Variants in MPRIP observed in about 807,000 individuals in gnomAD.
MPRIP encodes the protein myosin phosphatase Rho-interacting protein.
A neutral mutation model predicts 234.9 loss-of-function variants in MPRIP; 59 were observed. That is an observed-to-expected ratio of 0.25 (90% confidence interval 0.20 to 0.31). The LOEUF (loss-of-function observed/expected upper bound fraction) is 0.31, where lower values mean the gene tolerates loss of function less well. Ranked by LOEUF, MPRIP falls within the 10% of genes least tolerant of loss-of-function variation. MPRIP has a pLI of 1.00. For missense variants in MPRIP, 2,436 were observed against 3,071.0 expected, an observed-to-expected ratio of 0.79 and a Z score of 4.89; for synonymous variants, 1,144 against 1,263.9, an observed-to-expected ratio of 0.91 and a Z score of 2.01.
Position 17,174,213 on chromosome 17 carries a change from T to C in MPRIP, c.6750+138T>C, listed in dbSNP as rs1317804522. On this transcript the variant is annotated intron_variant, in intron 19 of 23. Transcript: ENST00000651222. ...GCATGAAGGTCCCTGAACCACAGAG[T>C]GGTTACCTGCCCCAGGGCTTCTCCC... 2.7e-6 allele frequency: 3 copies of C among 1,093,312 alleles called. No individual in the cohort carries two copies. The African/African-American group carries it at 4.8e-5, about 17-fold the overall frequency. 67.7% of individuals were successfully genotyped at this position (1,093,312 alleles called of 1,614,324 possible).
Position 17,050,785 on chromosome 17 carries a change from A to G in MPRIP, c.123+7814A>G, listed in dbSNP as rs1181216887. On this transcript the variant is annotated intron_variant, in intron 1 of 23. Transcript: ENST00000651222. Reference sequence around the variant, plus strand: ...GAGGCAGAGTTTAGGGGCAGAAGGGAGGAAGGTCCTTGCCAGGGCCTCAGG... The same window carrying G: ...GAGGCAGAGTTTAGGGGCAGAAGGGGGGAAGGTCCTTGCCAGGGCCTCAGG... Among the ~76,000 whole-genome samples, 3 of 152,312 alleles carry G rather than the reference A, an allele frequency of 2.0e-5. No individual in the cohort carries two copies. The East Asian group carries it at 5.8e-4, about 29-fold the overall frequency.
intron 3 of MPRIP, chr17:17,096,788 C>G (rs1287516068): frequency 4.2e-6 from 2 of 471,164 alleles, no homozygotes; most frequent in Non-Finnish European, 8.8e-6. Flanking sequence ...AGTGACTCTC[C>G]TTGGGGCCTG....
intron 18 of MPRIP, 102 bp from the exon 19 acceptor site, chr17:17,173,814 C>T: frequency 7.4e-7 from 1 of 1,357,692 alleles, no homozygotes; most frequent in Non-Finnish European, 1.0e-6. Flanking sequence ...ACTGTGTGGG[C>T]CTGACCTGTG....
At chr17:17,058,031 A>G (rs2088758855) in intron 1 of MPRIP, 2 of 303,702 alleles carry the variant, frequency 6.6e-6, no homozygotes. Flanking sequence ...TATCCCTTTC[A>G]CAGAGGTGAC....
At chr17:17,084,543 G>C (rs1178723173) in intron 3 of MPRIP, among the ~76,000 whole-genome samples, 1 of 152,248 alleles carries the variant, frequency 6.6e-6, no homozygotes, top group Non-Finnish European at 1.5e-5. Context: ...ATGAGTGACA[G>C]ACCTTGATGT....
chr17:17,063,038 G>A (rs1172843951), intron 1 of MPRIP, among the ~76,000 whole-genome samples: 3 of 152,240 alleles, frequency 2.0e-5, no homozygotes, highest in African/African-American at 4.8e-5. Flanking sequence ...ATGTGCGGGG[G>A]CAGGCCCTGG....
At position 17,138,087 on chromosome 17, in the gene MPRIP, C is replaced by T. The variant is rs200575354; in HGVS notation, c.908C>T (p.Pro303Leu). The T allele has an allele frequency of 1.1e-4, 180 of 1,572,952 alleles. No individual in the cohort carries two copies. The African/African-American group carries it at 2.2e-3, about 19-fold the overall frequency. The change falls in exon 7 of 24, where the codon CCC (proline) becomes CTC (leucine). Residue 303 changes from proline (P) to leucine (L), a missense_variant. This residue lies in a region of MPRIP where 267 missense variants were observed against 252.7 expected (regional missense o/e 1.06). Coordinates refer to ENST00000651222, the MANE Select transcript of MPRIP (RefSeq NM_001364716.4). The surrounding 1 kb of genome is among the most constrained non-coding windows in gnomAD (Gnocchi z 5.8). ...ACCCCCAACCACAGGTACAGTTGCC[C>T]CGAGTCGCCCTCCCAGGAGCTCGGT... ...PSTPNHRYSCPESPSQELGGP... is the reference protein window; with the variant it reads ...PSTPNHRYSCLESPSQELGGP...
intron 9 of MPRIP, among the ~76,000 whole-genome samples, chr17:17,144,780 C>T (rs1471917217): frequency 1.3e-5 from 2 of 152,160 alleles, no homozygotes; most frequent in Admixed American, 6.5e-5. Flanking sequence ...CGCTTGAACC[C>T]GGGAGGCGGA....
chr17:17,094,601 C>T (rs1273684047), intron 3 of MPRIP, among the ~76,000 whole-genome samples: 3 of 150,596 alleles, frequency 2.0e-5, no homozygotes, highest in Non-Finnish European at 4.4e-5. Flanking sequence ...TTTAACTCAT[C>T]CCTCTCCTCT....
At chr17:17,067,819 A>G (rs1016849129) in intron 1 of MPRIP, among the ~76,000 whole-genome samples, 1 of 130,946 alleles carries the variant, frequency 7.6e-6, no homozygotes, top group African/African-American at 3.0e-5. Context: ...TTTTTTAACA[A>G]TTATATAGAA....
At chr17:17,115,647 C>CA (rs1224148629) in intron 3 of MPRIP, among the ~76,000 whole-genome samples, 2 of 152,226 alleles carry the variant, frequency 1.3e-5, no homozygotes, top group African/African-American at 4.8e-5. Context: ...CATCAACCCC[C>CA]AAACAAACCC....
chr17:17,098,250 C>T (rs780243163), intron 3 of MPRIP, among the ~76,000 whole-genome samples: 6 of 152,236 alleles, frequency 3.9e-5, no homozygotes, highest in South Asian at 2.1e-4. Flanking sequence ...CCAGAACCTG[C>T]GCCTGCCCAC....
intron 23 of MPRIP, chr17:17,180,731 C>T: frequency 4.7e-6 from 7 of 1,475,522 alleles, no homozygotes; most frequent in Non-Finnish European, 6.6e-6. Context: ...ACGCCTGTGT[C>T]ATGGTTACTT....
At chr17:17,103,286 C>A (rs1213569931) in intron 3 of MPRIP, among the ~76,000 whole-genome samples, 1 of 152,132 alleles carries the variant, frequency 6.6e-6, no homozygotes, top group Admixed American at 6.5e-5. Flanking sequence ...GGAGGTCAGG[C>A]TTGTCACCAG....
chr17:17,061,078 T>G (rs2088854072), intron 1 of MPRIP, among the ~76,000 whole-genome samples: 1 of 152,088 alleles, frequency 6.6e-6, no homozygotes, highest in Admixed American at 6.5e-5. Flanking sequence ...CCACTGTGGG[T>G]GAGGCAGGTG....
intron 5 of MPRIP, among the ~76,000 whole-genome samples, chr17:17,132,561 G>A (rs1229549745): frequency 6.6e-6 from 1 of 152,244 alleles, no homozygotes; most frequent in Non-Finnish European, 1.5e-5. Flanking sequence ...GCCCACAGAA[G>A]TGAAGAGAGC....
intron 18 of MPRIP, among the ~76,000 whole-genome samples, chr17:17,173,396 G>C (rs532276364): frequency 5.6e-4 from 85 of 152,376 alleles, no homozygotes; most frequent in African/African-American, 2.0e-3. Context: ...GCTGGCAGCA[G>C]TCAGCAGCAC....
chr17:17,056,819 G>A (rs990140581), intron 1 of MPRIP, among the ~76,000 whole-genome samples: 18 of 151,778 alleles, frequency 1.2e-4, no homozygotes, highest in African/African-American at 4.4e-4. Context: ...TCTGCTTTGT[G>A]CCTCAATGGA....
intron 1 of MPRIP, among the ~76,000 whole-genome samples, chr17:17,062,381 C>T (rs916302983): frequency 5.3e-5 from 8 of 152,210 alleles, no homozygotes; most frequent in Non-Finnish European, 1.0e-4. Flanking sequence ...AGCAAAAGCC[C>T]CCAAACCTGC....
Sources: allele counts gnomAD v4.1 joint callset (sites outside exome capture counted in the v4.1 genomes callset), GRCh38; gene constraint gnomAD v4.1.1; regional missense constraint gnomAD v4.1.1; non-coding constraint Gnocchi (gnomAD v3.1); transcripts MANE v1.5; gene names NCBI Gene and HGNC (gene_info 2026-07-23, HGNC 2026-07-21).